GPC5: variants seen among roughly 807,000 people sequenced by gnomAD.
GPC5 encodes glypican 5.
Under a neutral mutation model 53.9 loss-of-function variants are expected in GPC5, and 47 were observed. The observed-to-expected ratio is 0.87, with a 90% CI of 0.69 to 1.11. GPC5 has a LOEUF of 1.11. Among genes scored for constraint, GPC5 ranks in the 50% most tolerant of loss-of-function variants. The pLI is 0.00. For synonymous variants in GPC5, 286 were observed against 263.3 expected (o/e 1.09, Z -0.84); for missense variants, 748 against 713.1 (o/e 1.05, Z -0.56).
intron 7 of GPC5, among the ~76,000 whole-genome samples, chr13:92,452,419 C>T (rs1467972346): frequency 6.6e-6 from 1 of 152,074 alleles, no homozygotes; most frequent in South Asian, 2.1e-4. Flanking sequence ...AATAAAAATA[C>T]ATTAATAAAG....
At chr13:91,544,406 T>G (rs1389237326) in intron 2 of GPC5, among the ~76,000 whole-genome samples, 1 of 152,218 alleles carries the variant, frequency 6.6e-6, no homozygotes, top group Non-Finnish European at 1.5e-5. Flanking sequence ...TTGTGGGCAG[T>G]TTGACTTTTG....
chr13:92,249,357 C>G (rs947121260), intron 7 of GPC5, among the ~76,000 whole-genome samples: 1 of 152,032 alleles, frequency 6.6e-6, no homozygotes, highest in Admixed American at 6.6e-5. Flanking sequence ...TTTCTTTGAA[C>G]AGATGCTACG....
chr13:91,857,141 G>A (rs917975215), intron 5 of GPC5, among the ~76,000 whole-genome samples: 1 of 151,120 alleles, frequency 6.6e-6, no homozygotes, highest in East Asian at 1.9e-4. Flanking sequence ...TCTTGTTCAG[G>A]ATAGTTTTTG....
intron 7 of GPC5, among the ~76,000 whole-genome samples, chr13:92,753,095 A>G (rs1022225781): frequency 1.3e-5 from 2 of 152,202 alleles, no homozygotes; most frequent in African/African-American, 2.4e-5. Context: ...TCCCTCTGAC[A>G]GCTTTGAAGA....
intron 5 of GPC5, among the ~76,000 whole-genome samples, chr13:91,837,454 A>G (rs2038733986): frequency 6.6e-6 from 1 of 152,110 alleles, no homozygotes; most frequent in Non-Finnish European, 1.5e-5. Flanking sequence ...ACAGTCTGGG[A>G]CTGCTGCAGG....
chr13:92,377,898 T>A (rs192239767), intron 7 of GPC5, among the ~76,000 whole-genome samples: 2 of 152,294 alleles, frequency 1.3e-5, no homozygotes, highest in East Asian at 3.9e-4. Context: ...ATCTTGGAAA[T>A]TAGGTATAAA....
At chr13:92,131,844 T>G (rs2041746337) in intron 6 of GPC5, among the ~76,000 whole-genome samples, 1 of 152,010 alleles carries the variant, frequency 6.6e-6, no homozygotes. Flanking sequence ...AAATTATATA[T>G]TAATATTTAA....
At chr13:92,554,810 A>G (rs1566291367) in intron 7 of GPC5, among the ~76,000 whole-genome samples, 1 of 151,178 alleles carries the variant, frequency 6.6e-6, no homozygotes, top group Non-Finnish European at 1.5e-5. Context: ...ATTCTATAAA[A>G]TTAATGCATA....
intron 7 of GPC5, among the ~76,000 whole-genome samples, chr13:92,191,158 G>A (rs2042220318): frequency 6.6e-6 from 1 of 152,082 alleles, no homozygotes; most frequent in Non-Finnish European, 1.5e-5. Context: ...AATACTCCAA[G>A]AAGATATAGC....
At chr13:92,566,723 A>G (rs1882874351) in intron 7 of GPC5, among the ~76,000 whole-genome samples, 1 of 152,122 alleles carries the variant, frequency 6.6e-6, no homozygotes, top group African/African-American at 2.4e-5. Context: ...CCTCACCCAG[A>G]ATGTAAGAAT....
At chr13:92,777,753 C>T (rs994276154) in intron 7 of GPC5, among the ~76,000 whole-genome samples, 7 of 152,334 alleles carry the variant, frequency 4.6e-5, no homozygotes, top group African/African-American at 7.2e-5. Flanking sequence ...TTTCTGCCTC[C>T]TCTGTCTCTC....
intron 2 of GPC5, among the ~76,000 whole-genome samples, chr13:91,542,083 G>A (rs1325732386): frequency 9.3e-5 from 14 of 151,092 alleles, no homozygotes; most frequent in South Asian, 2.1e-4. Flanking sequence ...TAAATTGCTC[G>A]TATTAAACTT....
At chr13:92,072,734 C>G (rs1055560697) in intron 6 of GPC5, among the ~76,000 whole-genome samples, 5 of 151,882 alleles carry the variant, frequency 3.3e-5, no homozygotes, top group Admixed American at 1.3e-4. Flanking sequence ...CTACCACACC[C>G]AGTTAATTTT....
chr13:92,576,059 T>C (rs1181824798), intron 7 of GPC5, among the ~76,000 whole-genome samples: 1 of 152,190 alleles, frequency 6.6e-6, no homozygotes, highest in African/African-American at 2.4e-5. Context: ...TGTATGTATA[T>C]ATTCAGTTTC....
chr13:91,760,162 C>T (rs1295426766), intron 5 of GPC5, among the ~76,000 whole-genome samples: 2 of 152,012 alleles, frequency 1.3e-5, no homozygotes, highest in Admixed American at 6.6e-5. Flanking sequence ...GCTATTTATA[C>T]ATTTAATTTC....
chr13:92,574,362 T>C (rs1350462782), intron 7 of GPC5, among the ~76,000 whole-genome samples: 2 of 152,200 alleles, frequency 1.3e-5, no homozygotes, highest in African/African-American at 4.8e-5. Flanking sequence ...ATTGAGGCAA[T>C]ACCTTCTTCA....
At chr13:92,298,243 C>T (rs531295087) in intron 7 of GPC5, among the ~76,000 whole-genome samples, 18 of 152,300 alleles carry the variant, frequency 1.2e-4, no homozygotes, top group Middle Eastern at 3.4e-3. Context: ...TCCTAGGCTC[C>T]CCGCCTCCCA....
In GPC5 at chr13:91,592,467, C is replaced by A. The variant is rs887784869; in HGVS notation, c.326-100720C>A. Among the ~76,000 whole-genome samples the A allele has an allele frequency of 3.9e-5, 6 of 152,172 alleles. No homozygotes were observed. The East Asian group carries it at 1.2e-3, about 29-fold the overall frequency. ...GGCTGGGGTGCTCTTTGAGCAGAGG[C>A]CACAGCAGGGAGATAGGCCACACCC... On this transcript the variant is annotated intron_variant, in intron 2 of 7. Coordinates refer to ENST00000377067, the MANE Select transcript of GPC5 (RefSeq NM_004466.6).
chr13:92,613,066 C>T (rs1352225941), intron 7 of GPC5, among the ~76,000 whole-genome samples: 3 of 150,760 alleles, frequency 2.0e-5, no homozygotes, highest in African/African-American at 7.3e-5. Context: ...GGACATCTAA[C>T]TTTACCTAAA....
Sources: gnomAD v4.1 joint callset for allele counts (sites outside exome capture counted in the v4.1 genomes callset) on GRCh38, gnomAD v4.1.1 for gene constraint, MANE v1.5 for transcripts, NCBI Gene and HGNC (gene_info 2026-07-23, HGNC 2026-07-21) for gene names.